NECTIN1: variants seen among roughly 807,000 people sequenced by gnomAD.
The protein encoded by NECTIN1 is nectin cell adhesion molecule 1.
Under a neutral mutation model 48.0 loss-of-function variants are expected in NECTIN1, and 23 were observed. The observed-to-expected ratio is 0.48, with a 90% CI of 0.34 to 0.68. The LOEUF is 0.68. Among genes scored for constraint, NECTIN1 ranks in the 30% least tolerant of loss-of-function variants. The pLI is 0.01. For missense variants in NECTIN1, 591 were observed against 709.9 expected, an observed-to-expected ratio of 0.83 and a Z score of 1.90; for synonymous variants, 270 against 288.9, an observed-to-expected ratio of 0.93 and a Z score of 0.66.
chr11:119,666,201 G>T (rs1175417405), intron 5 of NECTIN1, among the ~76,000 whole-genome samples: 1 of 152,246 alleles, frequency 6.6e-6, no homozygotes, highest in Non-Finnish European at 1.5e-5. Flanking sequence ...GTGGGCACAT[G>T]CACAGGCATA....
Position 119,675,265 on chromosome 11 carries a change from G to C in NECTIN1, c.897C>G (p.Thr299=), listed in dbSNP as rs1565386671. The change falls in exon 5 of 6, where the codon ACC becomes ACG. Residue 299 remains threonine (T), a synonymous_variant. Coordinates refer to ENST00000264025, the MANE Select transcript of NECTIN1 (RefSeq NM_002855.5). ...LPKGVEAQNR[T]LFFKGPINYS... is the part of the protein sequence containing the mutation. ...AGTTGATGGGTCCCTTGAAGAAGAG[G>C]GTTCTGTTCTGGGCCTCCACACCCT... 1 of 1,614,100 alleles carries C rather than the reference G, an allele frequency of 6.2e-7. No individual in the cohort carries two copies. Among genetic ancestry groups the C allele is most frequent in the South Asian group, 1.1e-5 (1 of 91,084 alleles).
intron 1 of NECTIN1, among the ~76,000 whole-genome samples, chr11:119,723,760 A>G (rs750505386): frequency 7.9e-5 from 12 of 152,182 alleles, no homozygotes; most frequent in Non-Finnish European, 1.6e-4. Flanking sequence ...TTAAAGAGTT[A>G]ACTGGACTAA....
chr11:119,674,547 G>A (rs1215809896), intron 5 of NECTIN1: 1 of 1,614,108 alleles, frequency 6.2e-7, no homozygotes, highest in Non-Finnish European at 8.5e-7. Context: ...ACAGCTGTCT[G>A]ACATCAAGCC....
chr11:119,694,696 G>A (rs539446754), intron 1 of NECTIN1, among the ~76,000 whole-genome samples: 3 of 152,190 alleles, frequency 2.0e-5, no homozygotes, highest in Non-Finnish European at 4.4e-5. Context: ...CTGGGGAGGG[G>A]AACCCTGGAG....
At chr11:119,686,916 G>T (rs1330135658) in intron 1 of NECTIN1, among the ~76,000 whole-genome samples, 1 of 152,192 alleles carries the variant, frequency 6.6e-6, no homozygotes, top group Non-Finnish European at 1.5e-5. Flanking sequence ...CTGGCACATG[G>T]GAAACACAGG....
chr11:119,720,883 C>T (rs1865817983), intron 1 of NECTIN1, among the ~76,000 whole-genome samples: 1 of 152,160 alleles, frequency 6.6e-6, no homozygotes, highest in Non-Finnish European at 1.5e-5. Flanking sequence ...AGGGGTGGGA[C>T]TAGGAAGCCC....
chr11:119,639,939 GA>G lies in NECTIN1; in HGVS notation c.1076del (p.Ile359ThrfsTer2), dbSNP rs1404791011. 2.5e-6 allele frequency: 4 copies of G among 1,614,064 alleles called. No individual in the cohort carries two copies. The highest frequency in any genetic ancestry group is 3.4e-6 in the Non-Finnish European group (4 of 1,180,028). On this transcript the variant is annotated frameshift_variant, in exon 6 of 8. Transcript: ENST00000341398. LOFTEE classifies it high-confidence loss of function. ...AGAAGACAGTGAGCACAGCAACTAG[GA>G]TGAGGAACACGGCCACGGTGCCCGC... is the stretch of plus-strand genomic sequence containing the variant.
intron 5 of NECTIN1, among the ~76,000 whole-genome samples, chr11:119,666,967 C>T (rs1864781619): frequency 6.6e-6 from 1 of 152,142 alleles, no homozygotes; most frequent in Non-Finnish European, 1.5e-5. Flanking sequence ...CAGGACCCCC[C>T]AGGGGCTCCT....
Position 119,672,286 on chromosome 11 carries a change from A to G in NECTIN1, c.1003+2873T>C, listed in dbSNP as rs1374754171. 1.3e-5 allele frequency among the ~76,000 whole-genome samples: 2 copies of G among 152,124 alleles called. No homozygotes were observed. Among genetic ancestry groups the G allele is most frequent in the African/African-American group, 2.4e-5 (1 of 41,418 alleles). On this transcript the variant is annotated intron_variant, in intron 5 of 5. Coordinates refer to ENST00000264025, the MANE Select transcript of NECTIN1 (RefSeq NM_002855.5). The surrounding 1 kb of genome is among the most constrained non-coding windows in gnomAD (Gnocchi z 4.3). Reference sequence around the variant, plus strand: ...TGGCCTGTCTCCTCCCGACACCCACAGGGATAGAGGCTGCCTCATCTGTTT... The same window carrying G: ...TGGCCTGTCTCCTCCCGACACCCACGGGGATAGAGGCTGCCTCATCTGTTT...
downstream of NECTIN1, chr11:119,656,243 C>T (rs1234828232): frequency 6.6e-6 from 1 of 152,150 alleles, no homozygotes; most frequent in African/African-American, 2.4e-5. Flanking sequence ...TTTGGTTCAG[C>T]CTCTGTTGAG....
intron 5 of NECTIN1, among the ~76,000 whole-genome samples, chr11:119,667,432 A>G (rs1169661464): frequency 1.3e-5 from 2 of 152,224 alleles, no homozygotes; most frequent in Non-Finnish European, 2.9e-5. Context: ...TCCCCAGGGA[A>G]GCAAAGGACA....
Position 119,664,475 on chromosome 11 carries a change from C to A in NECTIN1, c.*272G>T, listed in dbSNP as rs1196107983. The A allele has an allele frequency of 1.1e-5, 14 of 1,305,868 alleles. No homozygotes were observed. The highest frequency in any genetic ancestry group is 1.3e-5 in the Non-Finnish European group (13 of 1,025,602). 80.9% of individuals were successfully genotyped at this position (1,305,868 alleles called of 1,614,324 possible). A position where few individuals can be genotyped will look rare whatever the true frequency, so the allele number is the denominator to read the frequency against. ...CAGGGCTCCCTACACAGAGGGCAGGCAGGTGGGGCCCGTAAAGGGAAGATA... is the reference window on the plus strand; with the variant it reads ...CAGGGCTCCCTACACAGAGGGCAGGAAGGTGGGGCCCGTAAAGGGAAGATA... On this transcript the variant is annotated 3_prime_UTR_variant, in exon 6 of 6. Coordinates refer to ENST00000264025, the MANE Select transcript of NECTIN1 (RefSeq NM_002855.5).
In NECTIN1 at chr11:119,665,852, C is replaced by T. The variant is rs891806947; in HGVS notation, c.1004-555G>A. Reference sequence around the variant, plus strand: ...ACCTGGCAGTCACTCTGCCCCAACACTATCAACTTGGCTTCCAAGACCCAG... The same window carrying T: ...ACCTGGCAGTCACTCTGCCCCAACATTATCAACTTGGCTTCCAAGACCCAG... On this transcript the variant is annotated intron_variant, in intron 5 of 5. Coordinates refer to ENST00000264025, the MANE Select transcript of NECTIN1 (RefSeq NM_002855.5). The surrounding 1 kb of genome is among the most constrained non-coding windows in gnomAD (Gnocchi z 5.1). 6.6e-6 allele frequency among the ~76,000 whole-genome samples: 1 copy of T among 152,214 alleles called. No individual in the cohort carries two copies. Among genetic ancestry groups the T allele is most frequent in the East Asian group, 1.9e-4 (1 of 5,182 alleles).
Position 119,638,590 on chromosome 11 carries a change from G to T in NECTIN1, c.1227+141C>A, listed in dbSNP as rs375170557. ...AGGGTGAGGCAGATGGATCCCTCTA[G>T]CATGGACCTGGCCTTGTGGGAACTG... is the stretch of plus-strand genomic sequence containing the variant. On this transcript the variant is annotated intron_variant, in intron 7 of 7. Coordinates refer to the NECTIN1 transcript ENST00000341398. 3.6e-6 allele frequency: 3 copies of T among 830,792 alleles called. No individual in the cohort carries two copies. In the South Asian group the frequency reaches 4.3e-5, roughly 12 times the overall value. 51.5% of individuals were successfully genotyped at this position (830,792 alleles called of 1,614,324 possible). A position where few individuals can be genotyped will look rare whatever the true frequency, so the allele number is the denominator to read the frequency against.
At chr11:119,666,866 C>T (rs1284159801) in intron 5 of NECTIN1, among the ~76,000 whole-genome samples, 2 of 152,156 alleles carry the variant, frequency 1.3e-5, no homozygotes, top group African/African-American at 2.4e-5. Flanking sequence ...AGAGGAAAGG[C>T]CTTCCAGGAA....
chr11:119,722,540 C>T (rs1424344155), intron 1 of NECTIN1, among the ~76,000 whole-genome samples: 3 of 152,270 alleles, frequency 2.0e-5, no homozygotes, highest in African/African-American at 4.8e-5. Flanking sequence ...CCCAGCTGGG[C>T]CACAGCCAGG....
intron 5 of NECTIN1, among the ~76,000 whole-genome samples, chr11:119,655,697 G>A (rs746427018): frequency 1.3e-5 from 2 of 152,194 alleles, no homozygotes; most frequent in Non-Finnish European, 2.9e-5. Context: ...GTTATTCTGT[G>A]TAGCTTCCCA....
intron 1 of NECTIN1, among the ~76,000 whole-genome samples, chr11:119,681,281 T>C (rs1204686039): frequency 6.6e-6 from 1 of 152,096 alleles, no homozygotes; most frequent in East Asian, 1.9e-4. Flanking sequence ...CACACAAAGC[T>C]AGGAACAGGA....
rs1864999882 is a variant in NECTIN1 at position 119,678,451 on chromosome 11, C to T, written c.394G>A (p.Gly132Ser). 2 of 1,614,110 alleles carry T rather than the reference C, an allele frequency of 1.2e-6. No individual in the cohort carries two copies. The highest frequency in any genetic ancestry group is 1.7e-6 in the Non-Finnish European group (2 of 1,180,048). ...AGATTGAGCTGGCTTTCTCGATTGCCCGTAGGGAAGGTAGCAAACTCGCAG... is the reference window on the plus strand; with the variant it reads ...AGATTGAGCTGGCTTTCTCGATTGCTCGTAGGGAAGGTAGCAAACTCGCAG... ...YICEFATFPT[G>S]NRESQLNLTV... is the part of the protein sequence containing the mutation. The change falls in exon 2 of 6, where the codon GGC becomes AGC. Residue 132 changes from glycine to serine, a missense_variant. Transcript: ENST00000264025. The surrounding 1 kb of genome is among the most constrained non-coding windows in gnomAD (Gnocchi z 4.4).
Sources: gnomAD v4.1 joint callset for allele counts (sites outside exome capture counted in the v4.1 genomes callset) on GRCh38, gnomAD v4.1.1 for gene constraint, Gnocchi (gnomAD v3.1) non-coding constraint, MANE v1.5 for transcripts, NCBI Gene and HGNC (gene_info 2026-07-23, HGNC 2026-07-21) for gene names.